CAMK2D: variants seen among roughly 807,000 people sequenced by gnomAD.
CAMK2D encodes calcium/calmodulin-dependent protein kinase type II subunit delta.
A neutral mutation model predicts 84.0 loss-of-function variants in CAMK2D; 37 were observed. That is an observed-to-expected ratio of 0.44 (90% CI 0.34 to 0.58). The LOEUF (loss-of-function observed/expected upper bound fraction) is 0.58. Ranked by LOEUF, CAMK2D falls within the 20% of genes least tolerant of loss-of-function variation. The pLI is 0.02. For missense variants in CAMK2D, 448 were observed against 652.5 expected (o/e 0.69, Z 3.41); for synonymous variants, 202 against 212.5 (o/e 0.95, Z 0.43).
At chr4:113,611,351 T>A (rs1280622424) in intron 3 of CAMK2D, among the ~76,000 whole-genome samples, 2 of 152,190 alleles carry the variant, frequency 1.3e-5, no homozygotes, top group African/African-American at 4.8e-5. Flanking sequence ...TAATACAGTA[T>A]GTATTCAAAT....
intron 2 of CAMK2D, among the ~76,000 whole-genome samples, chr4:113,707,572 G>T (rs1009939416): frequency 2.0e-5 from 3 of 152,118 alleles, no homozygotes; most frequent in African/African-American, 7.2e-5. Context: ...ACCTAGGCTG[G>T]CTCAAGTACA....
intron 6 of CAMK2D, among the ~76,000 whole-genome samples, chr4:113,543,634 G>A (rs1033029385): frequency 2.6e-5 from 4 of 151,978 alleles, no homozygotes; most frequent in Non-Finnish European, 5.9e-5. Flanking sequence ...TGATGCCTTC[G>A]TGGTTCCTGA....
intron 16 of CAMK2D, among the ~76,000 whole-genome samples, chr4:113,499,825 C>T (rs1003025923): frequency 2.6e-5 from 4 of 152,064 alleles, no homozygotes; most frequent in Non-Finnish European, 5.9e-5. Flanking sequence ...AGTGATGTGG[C>T]CAAAGGAGGT....
At chr4:113,546,093 A>G (rs752131825) in intron 6 of CAMK2D, among the ~76,000 whole-genome samples, 4 of 152,208 alleles carry the variant, frequency 2.6e-5, no homozygotes, top group Non-Finnish European at 5.9e-5. Context: ...ACATTTTTTA[A>G]TACTTGGCTT....
At chr4:113,507,769 G>T (rs553175292) in intron 13 of CAMK2D, among the ~76,000 whole-genome samples, 1 of 152,032 alleles carries the variant, frequency 6.6e-6, no homozygotes, top group Non-Finnish European at 1.5e-5. Context: ...TTGTTTGAAG[G>T]TTAATAAACA....
intron 4 of CAMK2D, among the ~76,000 whole-genome samples, chr4:113,558,537 C>A (rs1343200254): frequency 6.6e-6 from 1 of 152,104 alleles, no homozygotes; most frequent in Non-Finnish European, 1.5e-5. Context: ...AGGTTATAGG[C>A]AAATACAGTA....
At chr4:113,552,714 A>G (rs2098637845) in intron 4 of CAMK2D, among the ~76,000 whole-genome samples, 1 of 152,244 alleles carries the variant, frequency 6.6e-6, no homozygotes. Flanking sequence ...GCATATGCGT[A>G]CATACATGCG....
chr4:113,691,978 T>A (rs1435523674), intron 2 of CAMK2D, among the ~76,000 whole-genome samples: 1 of 152,156 alleles, frequency 6.6e-6, no homozygotes, highest in Non-Finnish European at 1.5e-5. Context: ...TAGCAATACA[T>A]GAGAAGAAGA....
chr4:113,682,404 G>A (rs2107173), intron 2 of CAMK2D, among the ~76,000 whole-genome samples: 31,892 of 151,714 alleles, frequency 0.21, 3,739 homozygotes, highest in African/African-American at 0.32. Context: ...ATTTTAAAAT[G>A]TAGCTTTATT....
chr4:113,730,096 G>C (rs1000883625), intron 2 of CAMK2D, among the ~76,000 whole-genome samples: 3 of 152,178 alleles, frequency 2.0e-5, no homozygotes, highest in Non-Finnish European at 4.4e-5. Context: ...TATAAAGACA[G>C]AAACTCTTTT....
intron 12 of CAMK2D, among the ~76,000 whole-genome samples, chr4:113,512,836 G>C (rs1290646452): frequency 6.6e-6 from 1 of 152,204 alleles, no homozygotes; most frequent in East Asian, 1.9e-4. Context: ...CTCCCAAAGT[G>C]CTGGGATTAC....
In CAMK2D at chr4:113,508,014, G is replaced by C. The variant is rs117258384; in HGVS notation, c.984+1624C>G. Among the ~76,000 whole-genome samples, 72 of 152,150 alleles carry C rather than the reference G, an allele frequency of 4.7e-4. 1 individual carries two copies. The East Asian group carries it at 0.012, about 26-fold the overall frequency. On this transcript the variant is annotated intron_variant, in intron 13 of 20. Coordinates refer to ENST00000511664, the MANE Select transcript of CAMK2D (RefSeq NM_001321571.2). ...CAAAGAGAAAATTGACTTTGTAAAA[G>C]AGCAAACCTCTTAATATACTATCTA...
At chr4:113,613,056 A>G (rs777599822) in intron 3 of CAMK2D, among the ~76,000 whole-genome samples, 13 of 152,300 alleles carry the variant, frequency 8.5e-5, no homozygotes, top group Middle Eastern at 3.4e-3. Context: ...TTAATTAAAT[A>G]TGATAGAAGT....
intron 4 of CAMK2D, among the ~76,000 whole-genome samples, chr4:113,569,882 T>G (rs2154219955): frequency 6.6e-6 from 1 of 152,290 alleles, no homozygotes; most frequent in East Asian, 1.9e-4. Flanking sequence ...TTACTCTTTA[T>G]GGTGAATATA....
At chr4:113,464,952 T>C (rs1301920943) in intron 17 of CAMK2D, among the ~76,000 whole-genome samples, 1 of 152,222 alleles carries the variant, frequency 6.6e-6, no homozygotes, top group Non-Finnish European at 1.5e-5. Flanking sequence ...ATGTGTGATG[T>C]GGGAGTGGTT....
chr4:113,506,673 C>A (rs1237073233), intron 13 of CAMK2D, among the ~76,000 whole-genome samples: 1 of 152,114 alleles, frequency 6.6e-6, no homozygotes, highest in Non-Finnish European at 1.5e-5. Context: ...TGAACAGGGG[C>A]ACTTATGGTT....
intron 2 of CAMK2D, among the ~76,000 whole-genome samples, chr4:113,725,084 A>G (rs1270332406): frequency 3.3e-5 from 5 of 152,088 alleles, no homozygotes; most frequent in Non-Finnish European, 7.4e-5. Context: ...TATGCATTAA[A>G]ACCCATTTTA....
At chr4:113,628,535 C>T (rs1033998969) in intron 3 of CAMK2D, among the ~76,000 whole-genome samples, 11 of 152,096 alleles carry the variant, frequency 7.2e-5, no homozygotes, top group Non-Finnish European at 1.6e-4. Flanking sequence ...ATCTATCATA[C>T]TCTCTGATCC....
rs141725310 is a variant in CAMK2D, at chr4:113,457,362, C to T, written c.1508G>A (p.Arg503His). Residue 503 changes from arginine to histidine, a missense_variant, in exon 19 of 21, where the codon CGC becomes CAC. Arg to His is a conservative substitution (Grantham distance 29, BLOSUM62 0). Transcript: ENST00000511664. ...GATGGGTACTGTTGGTGACCCCGAG[C>T]GATGAAAATGAACATTCTGCCACTT... ...DGKWQNVHFH[R>H]SGSPTVPIKP... is the part of the protein sequence containing the mutation. The T allele has an allele frequency of 2.6e-5, 42 of 1,613,550 alleles. No individual in the cohort carries two copies. The highest frequency in any genetic ancestry group is 1.1e-4 in the East Asian group (5 of 44,884).
Sources: allele counts gnomAD v4.1 joint callset (sites outside exome capture counted in the v4.1 genomes callset), GRCh38; gene constraint gnomAD v4.1.1; transcripts MANE v1.5; gene names NCBI Gene and HGNC (gene_info 2026-07-23, HGNC 2026-07-21).